The following CACNA1B variants were observed in gnomAD, a reference collection of about 807,000 sequenced individuals.
CACNA1B encodes the protein calcium voltage-gated channel subunit alpha1 B.
In CACNA1B, 70 loss-of-function variants were observed where a neutral mutation model predicts 247.2. The ratio of observed to expected loss-of-function variants is 0.28; its 90% CI spans 0.23 to 0.35. The LOEUF is 0.35. Among genes scored for constraint, CACNA1B ranks in the 10% least tolerant of loss-of-function variants. CACNA1B has a pLI of 1.00. For synonymous variants in CACNA1B, 1,231 were observed against 1,294.4 expected (o/e 0.95, Z 1.05); for missense variants, 2,367 against 3,197.4 (o/e 0.74, Z 6.26).
chr9:138,098,665 C>T (rs1240470901), intron 37 of CACNA1B, among the ~76,000 whole-genome samples: 1 of 152,090 alleles, frequency 6.6e-6, no homozygotes, highest in Non-Finnish European at 1.5e-5. Flanking sequence ...ACAGTGGTAC[C>T]ATACCAAAGC....
At chr9:137,896,662 C>T (rs1168952800) in intron 3 of CACNA1B, among the ~76,000 whole-genome samples, 31 of 152,174 alleles carry the variant, frequency 2.0e-4, no homozygotes, top group Admixed American at 2.0e-3. Context: ...AATGCTCTCC[C>T]TCTTCTATTT....
intron 15 of CACNA1B, among the ~76,000 whole-genome samples, chr9:137,989,660 A>G (rs1958408941): frequency 6.6e-6 from 1 of 152,222 alleles, no homozygotes; most frequent in Non-Finnish European, 1.5e-5. Context: ...ACACTGGGGT[A>G]CAATCACTAT....
Position 137,957,206 on chromosome 9 carries a change from G to T in CACNA1B, c.1243+379G>T, listed in dbSNP as rs1326583751. Reference sequence around the variant, plus strand: ...CCCTCTCTGCACACCCACCGCTCAGGTCAGGGCCAGACAGCATGGGCACTT... The same window carrying T: ...CCCTCTCTGCACACCCACCGCTCAGTTCAGGGCCAGACAGCATGGGCACTT... On this transcript the variant is annotated intron_variant, in intron 9 of 46. Transcript: ENST00000371372. This position sits in a 1 kb window ranked among gnomAD's most constrained non-coding sequence, Gnocchi z 4.7. Among the ~76,000 whole-genome samples the T allele has an allele frequency of 6.6e-6, 1 of 152,210 alleles. No homozygotes were observed. The highest frequency in any genetic ancestry group is 2.4e-5 in the African/African-American group (1 of 41,474).
intron 20 of CACNA1B, among the ~76,000 whole-genome samples, chr9:138,029,291 T>C (rs747083615): frequency 6.6e-6 from 1 of 152,254 alleles, no homozygotes; most frequent in Non-Finnish European, 1.5e-5. Context: ...GGGTAGCTCA[T>C]GTAGTATAGG....
intron 20 of CACNA1B, among the ~76,000 whole-genome samples, chr9:138,026,726 T>G (rs1017858510): frequency 6.6e-6 from 1 of 152,240 alleles, no homozygotes; most frequent in Non-Finnish European, 1.5e-5. Context: ...TAAAACTGCT[T>G]TAAACATTCA....
chr9:137,989,333 G>A (rs1378232529), intron 15 of CACNA1B, among the ~76,000 whole-genome samples: 2 of 152,174 alleles, frequency 1.3e-5, no homozygotes, highest in Non-Finnish European at 2.9e-5. Flanking sequence ...GTGAGCCGGA[G>A]GATGTGGTGG....
At chr9:137,886,271 C>T (rs1957010673) in intron 3 of CACNA1B, among the ~76,000 whole-genome samples, 3 of 149,278 alleles carry the variant, frequency 2.0e-5, no homozygotes, top group Admixed American at 1.3e-4. Flanking sequence ...ATGGGGGCCT[C>T]CAGCAGTTCA....
intron 6 of CACNA1B, among the ~76,000 whole-genome samples, chr9:137,949,597 G>A (rs1957855543): frequency 6.6e-6 from 1 of 152,044 alleles, no homozygotes; most frequent in South Asian, 2.1e-4. Context: ...ACAGAGGCTG[G>A]CATGTCCACA....
chr9:138,023,411 C>T lies in CACNA1B; in HGVS notation c.2668C>T (p.Arg890Cys). Reference protein sequence around the residue: ...GAREERPRPHRSHSKEAAGPP... With the variant: ...GAREERPRPHCSHSKEAAGPP... ...CCGGGAGGAGCGGCCGCGGCCGCACCGCAGCCACAGCAAGGAGGCCGCGGG... is the reference window on the plus strand; with the variant it reads ...CCGGGAGGAGCGGCCGCGGCCGCACTGCAGCCACAGCAAGGAGGCCGCGGG... Residue 890 changes from arginine to cysteine, a missense_variant, in exon 19 of 47, where the codon CGC (arginine) becomes TGC (cysteine). Physicochemically the swap from Arg to Cys is radical, Grantham distance 180. Transcript: ENST00000371372. The T allele has an allele frequency of 7.5e-7, 1 of 1,325,404 alleles. No homozygotes were observed. The highest frequency in any genetic ancestry group is 9.6e-7 in the Non-Finnish European group (1 of 1,044,778). The allele number at this position is 1,325,404 out of a possible 1,614,324, so 82.1% of individuals were successfully genotyped here.
rs199777163 is a variant in CACNA1B, at chr9:138,120,793, G to A, written c.6401G>A (p.Gly2134Glu). Residue 2134 changes from glycine to glutamate, a missense_variant, in exon 46 of 47, where the codon GGG (glycine) becomes GAG (glutamate). Physicochemically the swap from Gly to Glu is moderately conservative, Grantham distance 98. Around this residue, in one of 12 missense-constraint regions of CACNA1B, gnomAD observed 773 missense variants for 779.4 expected, o/e 0.99. Coordinates refer to ENST00000371372, the MANE Select transcript of CACNA1B (RefSeq NM_000718.4). ...CGCTTCTACTCCTGCGACCGCTTTG[G>A]GGGCCGTGAGCCCCCGAAGCCCAAG... ...KQRFYSCDRFGGREPPKPKPS... is the reference protein window; with the variant it reads ...KQRFYSCDRFEGREPPKPKPS... 6.4e-7 allele frequency: 1 copy of A among 1,556,566 alleles called. No individual in the cohort carries two copies. Among genetic ancestry groups the A allele is most frequent in the Non-Finnish European group, 8.7e-7 (1 of 1,150,650 alleles).
chr9:138,010,805 C>T lies in CACNA1B; in HGVS notation c.2160+728C>T, dbSNP rs114031784. 4.8e-3 allele frequency among the ~76,000 whole-genome samples: 724 copies of T among 152,322 alleles called. 5 individuals are homozygous for T. The highest frequency in any genetic ancestry group is 0.017 in the African/African-American group (686 of 41,572). On this transcript the variant is annotated intron_variant, in intron 17 of 46. Coordinates refer to ENST00000371372, the MANE Select transcript of CACNA1B (RefSeq NM_000718.4). This position sits in a 1 kb window ranked among gnomAD's most constrained non-coding sequence, Gnocchi z 5.3. Reference sequence around the variant, plus strand: ...CATGCACCTGTGCATGTCTAGGGGTCTGACACAGTTCTGTCACTCCAGTCC... The same window carrying T: ...CATGCACCTGTGCATGTCTAGGGGTTTGACACAGTTCTGTCACTCCAGTCC...
rs569368692 is a variant in CACNA1B, at chr9:137,919,870, A to G, written c.966+2439A>G. 5.3e-5 allele frequency among the ~76,000 whole-genome samples: 8 copies of G among 152,246 alleles called. No homozygotes were observed. The highest frequency in any genetic ancestry group is 1.9e-4 in the African/African-American group (8 of 41,550). On this transcript the variant is annotated intron_variant, in intron 6 of 46. Coordinates refer to ENST00000371372, the MANE Select transcript of CACNA1B (RefSeq NM_000718.4). This position sits in a 1 kb window ranked among gnomAD's most constrained non-coding sequence, Gnocchi z 4.6. ...AGCGTGGGGGCACTCCAGCTTGAGG[A>G]GAAATGGCTTTGTCTGTGCCTGGAA...
intron 15 of CACNA1B, among the ~76,000 whole-genome samples, chr9:138,000,212 C>T (rs1958552097): frequency 1.3e-5 from 2 of 151,840 alleles, no homozygotes; most frequent in Admixed American, 6.6e-5. Flanking sequence ...CATTCTCCTG[C>T]CTCAGCCTCC....
chr9:137,884,176 C>T (rs1176422028), intron 3 of CACNA1B, among the ~76,000 whole-genome samples: 4 of 152,314 alleles, frequency 2.6e-5, no homozygotes, highest in Admixed American at 6.5e-5. Flanking sequence ...TTGGGGGTGT[C>T]GCATGGAAGG....
At chr9:138,048,011 G>A (rs1259311632) in intron 23 of CACNA1B, among the ~76,000 whole-genome samples, 1 of 152,184 alleles carries the variant, frequency 6.6e-6, no homozygotes, top group Non-Finnish European at 1.5e-5. Flanking sequence ...CTTCAGTGTG[G>A]TTGAGTGTGC....
At chr9:138,070,990 C>G (rs928277218) in intron 32 of CACNA1B, among the ~76,000 whole-genome samples, 1 of 152,264 alleles carries the variant, frequency 6.6e-6, no homozygotes, top group Admixed American at 6.5e-5. Flanking sequence ...GGGACAAGCC[C>G]TCACTTCCCT....
In CACNA1B at chr9:138,073,760, C is replaced by T. The variant is rs759476501; in HGVS notation, c.4791+156C>T. On this transcript the variant is annotated intron_variant, in intron 33 of 46. Coordinates refer to ENST00000371372, the MANE Select transcript of CACNA1B (RefSeq NM_000718.4). The surrounding 1 kb of genome is among the most constrained non-coding windows in gnomAD (Gnocchi z 6.4). ...ATTGTCCTGTTGTCATTTATAAAGA[C>T]GTTTTAAGTCATCTGTAGGTTCCCT... Among the ~76,000 whole-genome samples, 2 of 152,188 alleles carry T rather than the reference C, an allele frequency of 1.3e-5. No homozygotes were observed. Among genetic ancestry groups the T allele is most frequent in the South Asian group, 2.1e-4 (1 of 4,830 alleles).
chr9:137,966,225 A>ATTT (rs963090283), intron 10 of CACNA1B, among the ~76,000 whole-genome samples: 1 of 139,616 alleles, frequency 7.2e-6, no homozygotes, highest in Non-Finnish European at 1.6e-5. Context: ...TGCCTTTTAA[A>ATTT]TTTTTTTTTT....
intron 15 of CACNA1B, among the ~76,000 whole-genome samples, chr9:137,995,820 C>T (rs1172755910): frequency 2.6e-5 from 4 of 152,074 alleles, no homozygotes; most frequent in Non-Finnish European, 4.4e-5. Flanking sequence ...GAACTCAAAT[C>T]AGCAAGAAAA....
Sources: allele counts gnomAD v4.1 joint callset (sites outside exome capture counted in the v4.1 genomes callset), GRCh38; gene constraint gnomAD v4.1.1; regional missense constraint gnomAD v4.1.1; non-coding constraint Gnocchi (gnomAD v3.1); transcripts MANE v1.5; gene names NCBI Gene and HGNC (gene_info 2026-07-23, HGNC 2026-07-21).